The following TAOK1 variants were observed in gnomAD, a reference collection of about 807,000 sequenced individuals.
TAOK1 encodes TAO kinase 1.
Under a neutral mutation model 138.3 loss-of-function variants are expected in TAOK1, and 21 were observed. That is an observed-to-expected ratio of 0.15 (90% CI 0.11 to 0.22). TAOK1 has a LOEUF of 0.22. Among genes scored for constraint, TAOK1 ranks in the 10% least tolerant of loss-of-function variants. The probability of loss-of-function intolerance (pLI) is 1.00; values close to 1 mark genes in which losing one functional copy is unlikely to be tolerated. For missense variants in TAOK1, 651 were observed against 1,227.7 expected (o/e 0.53, Z 7.02); for synonymous variants, 361 against 398.4 (o/e 0.91, Z 1.12).
intron 1 of TAOK1, among the ~76,000 whole-genome samples, chr17:29,419,196 A>AT (rs879771360): frequency 2.8e-4 from 41 of 148,358 alleles, no homozygotes; most frequent in Non-Finnish European, 3.6e-4. Context: ...TATTCTGTAA[A>AT]TTTTTTTTTT....
chr17:29,434,608 AG>A (rs1445740833), intron 1 of TAOK1, among the ~76,000 whole-genome samples: 3 of 152,136 alleles, frequency 2.0e-5, no homozygotes, highest in African/African-American at 7.2e-5. Context: ...TCGAGACAAT[AG>A]GAATTATTTG....
intron 2 of TAOK1, among the ~76,000 whole-genome samples, chr17:29,465,057 G>A (rs912589665): frequency 2.0e-5 from 3 of 148,696 alleles, no homozygotes; most frequent in Non-Finnish European, 4.5e-5. Context: ...CTGACCTCAA[G>A]TGATCCACCC....
At chr17:29,408,105 C>T (rs1170471768) in intron 1 of TAOK1, among the ~76,000 whole-genome samples, 1 of 151,922 alleles carries the variant, frequency 6.6e-6, no homozygotes, top group Non-Finnish European at 1.5e-5. Flanking sequence ...TTGATCCTTC[C>T]CTAGCCTTGC....
At chr17:29,460,334 G>A (rs2030502280) in intron 2 of TAOK1, among the ~76,000 whole-genome samples, 1 of 152,142 alleles carries the variant, frequency 6.6e-6, no homozygotes, top group Non-Finnish European at 1.5e-5. Context: ...TAGGATTACA[G>A]GCATTTGCCA....
At chr17:29,496,611 A>G (rs1356728636) in intron 11 of TAOK1, among the ~76,000 whole-genome samples, 23 of 119,056 alleles carry the variant, frequency 1.9e-4, no homozygotes, top group South Asian at 1.1e-3. Context: ...TTTTAAAGAC[A>G]GGGTCTTGCT....
intron 16 of TAOK1, among the ~76,000 whole-genome samples, chr17:29,520,183 G>GAA (rs535870675): frequency 1.3e-4 from 9 of 70,192 alleles, no homozygotes; most frequent in Admixed American, 3.2e-4. Context: ...TCTGTCTGAA[G>GAA]AAAAAAAAAA....
chr17:29,467,507 C>G (rs555660135), intron 3 of TAOK1, among the ~76,000 whole-genome samples: 3 of 152,094 alleles, frequency 2.0e-5, no homozygotes, highest in Non-Finnish European at 2.9e-5. Context: ...CTCCTGACCT[C>G]GTGATCTGCC....
intron 2 of TAOK1, among the ~76,000 whole-genome samples, chr17:29,458,422 A>G (rs918814250): frequency 6.6e-6 from 1 of 152,224 alleles, no homozygotes; most frequent in African/African-American, 2.4e-5. Flanking sequence ...ATCGTCTCCA[A>G]CATTTGGTAT....
chr17:29,438,677 A>G (rs1906113224), intron 1 of TAOK1, among the ~76,000 whole-genome samples: 1 of 152,158 alleles, frequency 6.6e-6, no homozygotes, highest in African/African-American at 2.4e-5. Flanking sequence ...GAGTGAGGAG[A>G]CCTTGTCTCA....
intron 1 of TAOK1, among the ~76,000 whole-genome samples, chr17:29,439,125 T>C (rs1330086603): frequency 6.6e-6 from 1 of 152,052 alleles, no homozygotes; most frequent in Non-Finnish European, 1.5e-5. Flanking sequence ...TGATAGGAAA[T>C]TTAGCAGCGA....
chr17:29,459,925 C>G (rs2030493246), intron 2 of TAOK1, among the ~76,000 whole-genome samples: 1 of 152,140 alleles, frequency 6.6e-6, no homozygotes, highest in Non-Finnish European at 1.5e-5. Flanking sequence ...TTTGTACTTA[C>G]CTGGGCTTTT....
chr17:29,473,837 C>T (rs1361430094), intron 3 of TAOK1, among the ~76,000 whole-genome samples: 1 of 151,912 alleles, frequency 6.6e-6, no homozygotes. Context: ...AACGATTCTC[C>T]TTCCTCTGCG....
At chr17:29,480,967 C>T (rs2031049902) in intron 7 of TAOK1, among the ~76,000 whole-genome samples, 1 of 151,484 alleles carries the variant, frequency 6.6e-6, no homozygotes, top group African/African-American at 2.4e-5. Context: ...AATAAGATGC[C>T]CATAAGATTG....
intron 1 of TAOK1, among the ~76,000 whole-genome samples, chr17:29,413,624 C>T (rs1026137775): frequency 1.3e-5 from 2 of 151,996 alleles, no homozygotes; most frequent in Admixed American, 6.6e-5. Context: ...CAAAAATAAC[C>T]ATTTTAAAGT....
chr17:29,402,673 G>T (rs1904882556), intron 1 of TAOK1, among the ~76,000 whole-genome samples: 1 of 152,046 alleles, frequency 6.6e-6, no homozygotes, highest in Non-Finnish European at 1.5e-5. Flanking sequence ...GACATATATA[G>T]ATTTGATTTA....
chr17:29,486,131 CAAA>C (rs779790579), intron 8 of TAOK1, among the ~76,000 whole-genome samples: 12 of 151,442 alleles, frequency 7.9e-5, no homozygotes, highest in Non-Finnish European at 1.2e-4. Flanking sequence ...ACAAAAAATA[CAAA>C]AAAAATTAAT....
chr17:29,503,112 G>A (rs574636906), intron 13 of TAOK1, among the ~76,000 whole-genome samples: 1 of 152,060 alleles, frequency 6.6e-6, no homozygotes, highest in Non-Finnish European at 1.5e-5. Context: ...TAAGAAGAAT[G>A]TGGGCCGGGC....
Position 29,399,113 on chromosome 17 carries a change from A to G in TAOK1, c.-95+8089A>G, listed in dbSNP as rs145772295. Reference sequence around the variant, plus strand: ...GTGATCCACCCACCTTTGCCCTCCAAGTAGCTAGGACTACAGGCAAATGCC... The same window carrying G: ...GTGATCCACCCACCTTTGCCCTCCAGGTAGCTAGGACTACAGGCAAATGCC... On this transcript the variant is annotated intron_variant, in intron 1 of 19. Transcript: ENST00000261716. 2.4e-3 allele frequency among the ~76,000 whole-genome samples: 366 copies of G among 151,736 alleles called. 1 individual carries two copies. Among genetic ancestry groups the G allele is most frequent in the Non-Finnish European group, 4.0e-3 (273 of 67,922 alleles).
intron 2 of TAOK1, among the ~76,000 whole-genome samples, chr17:29,453,983 GCTTTTTTTTTTTTTTGGA>G (rs2030311644): frequency 6.8e-6 from 1 of 146,434 alleles, no homozygotes. Context: ...TAATTTTTTT[GCTTTTTTTTTTTTTTGGA>G]AATGGGGTTT....
Sources: allele counts gnomAD v4.1 joint callset (sites outside exome capture counted in the v4.1 genomes callset), GRCh38; gene constraint gnomAD v4.1.1; transcripts MANE v1.5; gene names NCBI Gene and HGNC (gene_info 2026-07-23, HGNC 2026-07-21).